CASD1: variants seen among roughly 807,000 people sequenced by gnomAD.
The protein encoded by CASD1 is N-acetylneuraminate (7)9-O-acetyltransferase.
CASD1 carries 41 observed loss-of-function variants against 100.0 expected under a neutral mutation model. The observed-to-expected ratio is 0.41, with a 90% CI of 0.32 to 0.53. The LOEUF (loss-of-function observed/expected upper bound fraction) is 0.53, where lower values mean the gene tolerates loss of function less well. CASD1 is among the 20% of genes least tolerant of loss of function. The pLI is 0.25. For missense variants in CASD1, 774 were observed against 948.7 expected, an observed-to-expected ratio of 0.82 and a Z score of 2.42; for synonymous variants, 321 against 315.6, an observed-to-expected ratio of 1.02 and a Z score of -0.18.
At chr7:94,587,380 C>A in the CASD1 span, 1 of 1,077,290 alleles carries the variant, frequency 9.3e-7, no homozygotes, top group Non-Finnish European at 1.1e-6. Flanking sequence ...CTAGAAATTG[C>A]CTGCTTCCTA....
chr7:94,568,380 T>C, the CASD1 span, among the ~76,000 whole-genome samples: 3 of 152,050 alleles, frequency 2.0e-5, no homozygotes, highest in Non-Finnish European at 4.4e-5. Context: ...ATAGAAAAAA[T>C]ACAAATGATA....
chr7:94,613,989 A>T, the CASD1 span, among the ~76,000 whole-genome samples: 2 of 152,004 alleles, frequency 1.3e-5, no homozygotes, highest in African/African-American at 4.8e-5. Context: ...AATAAAATAA[A>T]CAAGTGAAAA....
intron 3 of CASD1, among the ~76,000 whole-genome samples, chr7:94,519,419 T>G (rs1457333139): frequency 6.6e-6 from 1 of 152,164 alleles, no homozygotes; most frequent in Admixed American, 6.5e-5. Context: ...AGTTGAAAAC[T>G]TAAGAGCCTT....
chr7:94,589,166 T>A, the CASD1 span: 1 of 195,004 alleles, frequency 5.1e-6, no homozygotes, highest in South Asian at 1.0e-4. Context: ...ACCACCTTCA[T>A]TCACTATCCC....
chr7:94,622,839 A>G, the CASD1 span, among the ~76,000 whole-genome samples: 1 of 152,134 alleles, frequency 6.6e-6, no homozygotes, highest in Non-Finnish European at 1.5e-5. Context: ...TAGGAAGGAA[A>G]TTGTACCCTA....
the CASD1 span, among the ~76,000 whole-genome samples, chr7:94,622,944 T>C: frequency 6.6e-6 from 1 of 152,052 alleles, no homozygotes; most frequent in Non-Finnish European, 1.5e-5. Flanking sequence ...ATAAAACTAG[T>C]TAGTAATTAT....
chr7:94,592,050 A>C, the CASD1 span, among the ~76,000 whole-genome samples: 311 of 152,310 alleles, frequency 2.0e-3, no homozygotes, highest in South Asian at 2.7e-3. Context: ...ACATCCCCTG[A>C]TTGGGTACAA....
chr7:94,576,189 A>G, the CASD1 span, among the ~76,000 whole-genome samples: 2 of 151,924 alleles, frequency 1.3e-5, no homozygotes, highest in African/African-American at 4.8e-5. Flanking sequence ...TTTTCGTTTT[A>G]TTCCTCAGAC....
At chr7:94,632,879 G>C in the CASD1 span, among the ~76,000 whole-genome samples, 2 of 151,972 alleles carry the variant, frequency 1.3e-5, no homozygotes, top group African/African-American at 4.8e-5. Flanking sequence ...AGCTGATGGG[G>C]TCCACTCCAA....
In CASD1 at chr7:94,554,477, C is replaced by T; in HGVS notation, c.2035-6C>T. The T allele has an allele frequency of 6.3e-7, 1 of 1,575,694 alleles. No homozygotes were observed. Among genetic ancestry groups the T allele is most frequent in the Non-Finnish European group, 8.7e-7 (1 of 1,152,406 alleles). On this transcript the variant is annotated splice_polypyrimidine_tract_variant and splice_region_variant and intron_variant, in intron 16 of 17. Transcript: ENST00000297273. ...ATTAATATTTGCTTTTGTGCTTTTT[C>T]TTTAGATTTTAGCCTTCATCCTAAT... is the stretch of plus-strand genomic sequence containing the variant.
At chr7:94,534,966 A>G (rs1795047773) in intron 7 of CASD1, among the ~76,000 whole-genome samples, 1 of 152,200 alleles carries the variant, frequency 6.6e-6, no homozygotes, top group African/African-American at 2.4e-5. Flanking sequence ...TCTATAACTC[A>G]TTTTAGATTT....
chr7:94,550,496 A>G (rs2116410599), intron 14 of CASD1, among the ~76,000 whole-genome samples: 1 of 152,236 alleles, frequency 6.6e-6, no homozygotes, highest in Non-Finnish European at 1.5e-5. Flanking sequence ...AGGCTGCTGT[A>G]ATAGAGTACC....
At chr7:94,584,180 G>T in the CASD1 span, among the ~76,000 whole-genome samples, 2 of 152,178 alleles carry the variant, frequency 1.3e-5, no homozygotes, top group South Asian at 4.1e-4. Flanking sequence ...TGTTGTCCAT[G>T]ATATGTCGAT....
At chr7:94,588,491 C>T in the CASD1 span, 1 of 1,403,520 alleles carries the variant, frequency 7.1e-7, no homozygotes, top group Admixed American at 2.8e-5. Context: ...GATCATTTAC[C>T]CTGTGTTTAT....
chr7:94,538,183 G>A (rs1419102096), intron 9 of CASD1, among the ~76,000 whole-genome samples: 1 of 152,094 alleles, frequency 6.6e-6, no homozygotes, highest in Admixed American at 6.5e-5. Context: ...GACAGAGAAT[G>A]TTGAAGTACT....
At chr7:94,510,697 T>G (rs1469648437) in intron 1 of CASD1, among the ~76,000 whole-genome samples, 1 of 152,220 alleles carries the variant, frequency 6.6e-6, no homozygotes, top group Non-Finnish European at 1.5e-5. Flanking sequence ...AGCCTTTGTT[T>G]AATTTTGCCT....
At chr7:94,598,477 A>T in the CASD1 span, 4 of 333,834 alleles carry the variant, frequency 1.2e-5, no homozygotes, top group Non-Finnish European at 1.7e-5. Context: ...TCTTTTTTTT[A>T]TAATTAACTC....
chr7:94,614,474 G>T, the CASD1 span, among the ~76,000 whole-genome samples: 1 of 152,144 alleles, frequency 6.6e-6, no homozygotes, highest in African/African-American at 2.4e-5. Context: ...ACATGGTCTG[G>T]TCTTTGCCCC....
At chr7:94,601,608 T>G in the CASD1 span, among the ~76,000 whole-genome samples, 172 of 152,244 alleles carry the variant, frequency 1.1e-3, no homozygotes, top group African/African-American at 3.9e-3. Context: ...CTACTACATT[T>G]GCTACTAAAA....
Sources: gnomAD v4.1 joint callset for allele counts (sites outside exome capture counted in the v4.1 genomes callset) on GRCh38, gnomAD v4.1.1 for gene constraint, MANE v1.5 for transcripts, NCBI Gene and HGNC (gene_info 2026-07-23, HGNC 2026-07-21) for gene names.